The following DYNC2H1 variants were observed in gnomAD, a reference collection of about 807,000 sequenced individuals.
The protein encoded by DYNC2H1 is cytoplasmic dynein 2 heavy chain 1.
In DYNC2H1, 410 loss-of-function variants were observed where a neutral mutation model predicts 570.0. The observed-to-expected ratio is 0.72, with a 90% CI of 0.66 to 0.78. DYNC2H1 has a LOEUF of 0.78. DYNC2H1 is among the 30% of genes least tolerant of loss of function. The probability of loss-of-function intolerance (pLI) is 0.00; values close to 1 mark genes in which losing one functional copy is unlikely to be tolerated. For synonymous variants in DYNC2H1, 1,688 were observed against 1,677.6 expected, an observed-to-expected ratio of 1.01 and a Z score of -0.15; for missense variants, 4,865 against 5,046.4, an observed-to-expected ratio of 0.96 and a Z score of 1.09.
In DYNC2H1 at chr11:103,203,756, T is replaced by G. The variant is rs1453029120; in HGVS notation, c.8291T>G (p.Val2764Gly). Residue 2764 changes from valine (V) to glycine (G), a missense_variant, in exon 51 of 89, where the codon GTC (valine) becomes GGC (glycine). Around this residue, in one of 5 missense-constraint regions of DYNC2H1, gnomAD observed 2,401 missense variants for 2,454.6 expected, o/e 0.98. Coordinates refer to ENST00000375735, the MANE Select transcript of DYNC2H1 (RefSeq NM_001377.3). This position sits in a 1 kb window ranked among gnomAD's most constrained non-coding sequence, Gnocchi z 4.7. Reference sequence around the variant, plus strand: ...TCACAAGATGGTTTTTTTGGACCAGTCTTCAATTACTTCACATATAGTAAG... The same window carrying G: ...TCACAAGATGGTTTTTTTGGACCAGGCTTCAATTACTTCACATATAGTAAG... ...QASQDGFFGP[V>G]FNYFTYRIQQ... The G allele has an allele frequency of 6.2e-7, 1 of 1,609,450 alleles. No homozygotes were observed. The highest frequency in any genetic ancestry group is 2.2e-5 in the East Asian group (1 of 44,686).
chr11:103,287,729 T>C, intron 75 of DYNC2H1, 124 bp downstream of exon 75: 1 of 812,086 alleles, frequency 1.2e-6, no homozygotes, highest in East Asian at 2.9e-5. Context: ...ATTCTGTTTA[T>C]TTATCTTCCA....
rs75271846 is a variant in DYNC2H1, at chr11:103,249,615, A to G, written c.10043-3670A>G. Among the ~76,000 whole-genome samples, 2,224 of 152,010 alleles carry G rather than the reference A, an allele frequency of 0.015. 62 individuals carry two copies. Among genetic ancestry groups the G allele is most frequent in the African/African-American group, 0.051 (2,100 of 41,496 alleles). On this transcript the variant is annotated intron_variant, in intron 65 of 88. Coordinates refer to ENST00000375735, the MANE Select transcript of DYNC2H1 (RefSeq NM_001377.3). The surrounding 1 kb of genome is among the most constrained non-coding windows in gnomAD (Gnocchi z 4.6). The stretch of plus-strand genomic sequence containing the variant: ...GAAAGAAAAAAAGCAGCACCTGACT[A>G]CTCTAGACTGAGATCTGGCCAGATT...
chr11:103,218,548 A>G (rs1299997775), intron 55 of DYNC2H1, among the ~76,000 whole-genome samples: 1 of 152,184 alleles, frequency 6.6e-6, no homozygotes, highest in African/African-American at 2.4e-5. Context: ...AGTTGTTTGA[A>G]ATATCAAAAA....
chr11:103,313,464 A>G (rs745802325), intron 79 of DYNC2H1, among the ~76,000 whole-genome samples: 1 of 151,954 alleles, frequency 6.6e-6, no homozygotes, highest in Non-Finnish European at 1.5e-5. Context: ...TCTTTTTTCA[A>G]CTTGGTCCAC....
intron 88 of DYNC2H1, among the ~76,000 whole-genome samples, chr11:103,470,890 C>T (rs1945360894): frequency 6.6e-6 from 1 of 152,088 alleles, no homozygotes; most frequent in African/African-American, 2.4e-5. Context: ...GTGCATGTGT[C>T]TTTATAGCAG....
chr11:103,242,045 T>G (rs959470284), intron 63 of DYNC2H1, among the ~76,000 whole-genome samples: 3 of 152,028 alleles, frequency 2.0e-5, no homozygotes, highest in African/African-American at 7.3e-5. Flanking sequence ...AGATATACAG[T>G]GTTCCCCCCT....
rs78345666 is a variant in DYNC2H1, at chr11:103,205,258, C to A, written c.8454+294C>A. On this transcript the variant is annotated intron_variant, in intron 52 of 88. Transcript: ENST00000375735. This position sits in a 1 kb window ranked among gnomAD's most constrained non-coding sequence, Gnocchi z 4.5. The stretch of plus-strand genomic sequence containing the variant: ...AGGCTGTCCTAGATTTTTAAAAAAT[C>A]ATAGCAAGTATTTAACAATTAAAGA... 0.025 allele frequency among the ~76,000 whole-genome samples: 3,855 copies of A among 152,040 alleles called. 173 individuals carry two copies. The highest frequency in any genetic ancestry group is 0.088 in the African/African-American group (3,662 of 41,448).
chr11:103,444,684 G>A (rs948370465), intron 85 of DYNC2H1, among the ~76,000 whole-genome samples: 2 of 152,184 alleles, frequency 1.3e-5, no homozygotes, highest in East Asian at 3.8e-4. Context: ...GTCAGGGAAA[G>A]CCTGTCTTTG....
intron 15 of DYNC2H1, among the ~76,000 whole-genome samples, chr11:103,134,946 A>G (rs1859460867): frequency 6.6e-6 from 1 of 152,152 alleles, no homozygotes; most frequent in Admixed American, 6.6e-5. Context: ...ACACATTTAC[A>G]TATATTTAAT....
chr11:103,302,950 A>G, intron 75 of DYNC2H1, 143 bp from the exon 76 acceptor site: 1 of 558,404 alleles, frequency 1.8e-6, no homozygotes, highest in Non-Finnish European at 2.7e-6. Context: ...CTAGTATATT[A>G]TTTTAGAGTA....
chr11:103,240,355 T>G (rs944101178), intron 63 of DYNC2H1, among the ~76,000 whole-genome samples: 1 of 152,180 alleles, frequency 6.6e-6, no homozygotes, highest in Non-Finnish European at 1.5e-5. Flanking sequence ...ATTGGTTAGC[T>G]TAGATCATCT....
intron 75 of DYNC2H1, among the ~76,000 whole-genome samples, chr11:103,295,589 C>T (rs1377162050): frequency 6.6e-6 from 1 of 152,190 alleles, no homozygotes; most frequent in African/African-American, 2.4e-5. Flanking sequence ...CAATGAAGGT[C>T]ATGAGCCATC....
At chr11:103,375,210 T>C (rs979434978) in intron 83 of DYNC2H1, among the ~76,000 whole-genome samples, 5 of 152,172 alleles carry the variant, frequency 3.3e-5, no homozygotes, top group African/African-American at 1.2e-4. Context: ...AAAACAAGAA[T>C]TGAGGTTTGG....
intron 28 of DYNC2H1, among the ~76,000 whole-genome samples, chr11:103,159,494 G>T (rs1158024161): frequency 6.6e-6 from 1 of 152,040 alleles, no homozygotes; most frequent in African/African-American, 2.4e-5. Flanking sequence ...AAGAGACCTA[G>T]GTGAGAATGT....
intron 84 of DYNC2H1, among the ~76,000 whole-genome samples, chr11:103,434,424 C>CTT (rs3989922): frequency 6.2e-5 from 9 of 144,628 alleles, no homozygotes; most frequent in South Asian, 4.3e-4. Context: ...TTTTTCCTTC[C>CTT]TTTTTTTTTT....
intron 75 of DYNC2H1, among the ~76,000 whole-genome samples, chr11:103,288,949 AC>A (rs1474483271): frequency 6.6e-6 from 1 of 151,902 alleles, no homozygotes; most frequent in Non-Finnish European, 1.5e-5. Context: ...AAGAGTCTGA[AC>A]GTCTTCAAAT....
At position 103,249,954 on chromosome 11, in the gene DYNC2H1, G is replaced by A. The variant is rs117027317; in HGVS notation, c.10043-3331G>A. Among the ~76,000 whole-genome samples the A allele has an allele frequency of 7.6e-3, 1,151 of 152,002 alleles. 5 individuals carry two copies. The highest frequency in any genetic ancestry group is 0.033 in the South Asian group (159 of 4,816). The stretch of plus-strand genomic sequence containing the variant: ...ATTTTTCTTGAATTATTTATAAATC[G>A]CCTAACACAAGCCAAAATCCTCTAA... On this transcript the variant is annotated intron_variant, in intron 65 of 88. Transcript: ENST00000375735. This position sits in a 1 kb window ranked among gnomAD's most constrained non-coding sequence, Gnocchi z 4.6.
chr11:103,308,993 A>C (rs937469553), intron 78 of DYNC2H1, among the ~76,000 whole-genome samples: 5 of 151,748 alleles, frequency 3.3e-5, no homozygotes, highest in Non-Finnish European at 5.9e-5. Flanking sequence ...CCTTCCTTCT[A>C]TGCTTATGTC....
At chr11:103,150,132 A>C (rs184870198) in intron 20 of DYNC2H1, among the ~76,000 whole-genome samples, 6 of 152,238 alleles carry the variant, frequency 3.9e-5, no homozygotes, top group African/African-American at 1.2e-4. Context: ...TTGGAAAGAG[A>C]GGCAAGGGCC....
Sources: allele counts gnomAD v4.1 joint callset (sites outside exome capture counted in the v4.1 genomes callset), GRCh38; gene constraint gnomAD v4.1.1; regional missense constraint gnomAD v4.1.1; non-coding constraint Gnocchi (gnomAD v3.1); transcripts MANE v1.5; gene names NCBI Gene and HGNC (gene_info 2026-07-23, HGNC 2026-07-21).